ADK: variants seen among roughly 807,000 people sequenced by gnomAD.
The protein encoded by ADK is adenosine kinase, also known as N6,N6-dimethyladenosine kinase.
A neutral mutation model predicts 44.7 loss-of-function variants in ADK; 24 were observed. That is an observed-to-expected ratio of 0.54 (90% CI 0.39 to 0.76). The LOEUF (loss-of-function observed/expected upper bound fraction) is 0.76. Among genes scored for constraint, ADK ranks in the 30% least tolerant of loss-of-function variants. The pLI is 0.00. For missense variants in ADK, 321 were observed against 425.1 expected (o/e 0.76, Z 2.15); for synonymous variants, 128 against 142.6 (o/e 0.90, Z 0.73).
chr10:74,289,036 A>G (rs903589998), intron 3 of ADK, among the ~76,000 whole-genome samples: 4 of 152,202 alleles, frequency 2.6e-5, no homozygotes, highest in Non-Finnish European at 5.9e-5. Context: ...CAGCTCACAC[A>G]CTTCAGAGTT....
At chr10:74,560,087 T>C (rs538619785) in intron 7 of ADK, among the ~76,000 whole-genome samples, 1 of 152,206 alleles carries the variant, frequency 6.6e-6, no homozygotes, top group East Asian at 1.9e-4. Flanking sequence ...CAGATAATTT[T>C]TTTAAAAAAT....
chr10:74,171,963 C>T (rs776290526), intron 1 of ADK, among the ~76,000 whole-genome samples: 9 of 152,006 alleles, frequency 5.9e-5, no homozygotes, highest in African/African-American at 9.6e-5. Context: ...TTACTTTTGT[C>T]GCTACATTAT....
chr10:74,203,375 T>G (rs1402878651), intron 2 of ADK, among the ~76,000 whole-genome samples: 1 of 152,038 alleles, frequency 6.6e-6, no homozygotes, highest in Non-Finnish European at 1.5e-5. Flanking sequence ...GTTTTTTTTT[T>G]GGAGACAGGG....
intron 6 of ADK, among the ~76,000 whole-genome samples, chr10:74,409,747 G>C (rs1012733639): frequency 6.6e-6 from 1 of 152,124 alleles, no homozygotes; most frequent in African/African-American, 2.4e-5. Context: ...TAGGTCAGTA[G>C]AAGAAACATG....
intron 6 of ADK, among the ~76,000 whole-genome samples, chr10:74,514,008 T>C (rs934883571): frequency 3.9e-5 from 6 of 152,224 alleles, no homozygotes; most frequent in African/African-American, 1.4e-4. Context: ...CTAGTGGTGA[T>C]GGATTCCCTT....
chr10:74,436,589 A>G (rs905029094), intron 6 of ADK, among the ~76,000 whole-genome samples: 3 of 152,176 alleles, frequency 2.0e-5, no homozygotes, highest in African/African-American at 7.2e-5. Flanking sequence ...CTAGTTAAAA[A>G]TTATTAAAAT....
intron 4 of ADK, among the ~76,000 whole-genome samples, chr10:74,356,549 G>A (rs1442101404): frequency 6.6e-6 from 1 of 152,074 alleles, no homozygotes; most frequent in Non-Finnish European, 1.5e-5. Flanking sequence ...AAATTGGATG[G>A]TATGTTATAA....
intron 3 of ADK, among the ~76,000 whole-genome samples, chr10:74,313,720 A>G (rs1294620890): frequency 8.6e-5 from 13 of 151,552 alleles, no homozygotes; most frequent in Admixed American, 7.2e-4. Flanking sequence ...TTTTTTTCCA[A>G]CATTTCTCTC....
chr10:74,173,464 C>G (rs1842228935), intron 1 of ADK, among the ~76,000 whole-genome samples: 1 of 140,774 alleles, frequency 7.1e-6, no homozygotes, highest in Non-Finnish European at 1.5e-5. Context: ...GAGTCTTGCT[C>G]TTGTTGCCCA....
At chr10:74,443,710 CT>C in intron 6 of ADK, among the ~76,000 whole-genome samples, 1 of 152,112 alleles carries the variant, frequency 6.6e-6, no homozygotes, top group Middle Eastern at 3.4e-3. Flanking sequence ...CTCAATAAAG[CT>C]TTTATTTTAA....
Position 74,553,786 on chromosome 10 carries a change from T to G in ADK, c.726+28360T>G, listed in dbSNP as rs73274190. 2.4e-3 allele frequency among the ~76,000 whole-genome samples: 371 copies of G among 152,304 alleles called. 1 individual carries two copies. The highest frequency in any genetic ancestry group is 8.7e-3 in the African/African-American group (360 of 41,572). The stretch of plus-strand genomic sequence containing the variant: ...CTATGTCTTGTTTTGGATAACCATT[T>G]AAGATCCGTACATCGTATTTTATGT... On this transcript the variant is annotated intron_variant, in intron 7 of 10. Coordinates refer to ENST00000539909, the MANE Select transcript of ADK (RefSeq NM_006721.4).
chr10:74,157,104 C>T (rs1037558584), intron 1 of ADK, among the ~76,000 whole-genome samples: 1 of 152,134 alleles, frequency 6.6e-6, no homozygotes, highest in Non-Finnish European at 1.5e-5. Context: ...AGTGAAGATG[C>T]AGAAGTGGCT....
chr10:74,217,152 G>A (rs1329311532), intron 2 of ADK, among the ~76,000 whole-genome samples: 2 of 152,230 alleles, frequency 1.3e-5, no homozygotes, highest in African/African-American at 4.8e-5. Flanking sequence ...TGGAAAATCG[G>A]GTCATTCCCA....
chr10:74,537,482 T>C (rs762678473), intron 7 of ADK, among the ~76,000 whole-genome samples: 2 of 152,238 alleles, frequency 1.3e-5, no homozygotes, highest in Non-Finnish European at 2.9e-5. Context: ...TACACAAAGG[T>C]AATTATAATC....
chr10:74,634,670 T>G (rs901279083), intron 9 of ADK, among the ~76,000 whole-genome samples: 1 of 151,584 alleles, frequency 6.6e-6, no homozygotes, highest in Non-Finnish European at 1.5e-5. Flanking sequence ...CATGGCCGGG[T>G]GCAGTGGCTC....
At chr10:74,676,823 A>G (rs1374175319) in intron 10 of ADK, among the ~76,000 whole-genome samples, 3 of 152,214 alleles carry the variant, frequency 2.0e-5, no homozygotes, top group African/African-American at 7.2e-5. Flanking sequence ...TCCTCACAAC[A>G]GCTTCAGCAG....
At chr10:74,182,869 GT>G (rs1448301409) in intron 1 of ADK, among the ~76,000 whole-genome samples, 1 of 152,132 alleles carries the variant, frequency 6.6e-6, no homozygotes, top group East Asian at 1.9e-4. Context: ...TGCAATATTG[GT>G]TAACAGTCAC....
intron 9 of ADK, among the ~76,000 whole-genome samples, chr10:74,613,033 T>G (rs924018880): frequency 1.3e-5 from 2 of 152,146 alleles, no homozygotes; most frequent in Non-Finnish European, 2.9e-5. Flanking sequence ...TACTATACCC[T>G]AGTAGTATAG....
intron 6 of ADK, among the ~76,000 whole-genome samples, chr10:74,494,702 G>A (rs1847617907): frequency 6.6e-6 from 1 of 150,930 alleles, no homozygotes; most frequent in African/African-American, 2.4e-5. Context: ...TCACTCTGTT[G>A]CCCAGGCTGG....
Sources: allele counts gnomAD v4.1 joint callset (sites outside exome capture counted in the v4.1 genomes callset), GRCh38; gene constraint gnomAD v4.1.1; transcripts MANE v1.5; gene names NCBI Gene and HGNC (gene_info 2026-07-23, HGNC 2026-07-21).